Variants in PHKB observed in about 807,000 individuals in gnomAD.
The protein encoded by PHKB is phosphorylase kinase regulatory subunit beta, also known as phosphorylase b kinase regulatory subunit beta.
PHKB carries 122 observed loss-of-function variants against 152.1 expected under a neutral mutation model. That is an observed-to-expected ratio of 0.80 (90% CI 0.69 to 0.93). The LOEUF is 0.93. Among genes scored for constraint, PHKB ranks in the 40% least tolerant of loss-of-function variants. PHKB has a pLI of 0.00. For missense variants in PHKB, 1,304 were observed against 1,328.4 expected (o/e 0.98, Z 0.29); for synonymous variants, 436 against 464.9 (o/e 0.94, Z 0.80).
At chr16:47,686,915 C>T (rs891832028) in intron 26 of PHKB, among the ~76,000 whole-genome samples, 3 of 152,118 alleles carry the variant, frequency 2.0e-5, no homozygotes, top group Non-Finnish European at 4.4e-5. Context: ...TCACCAGATA[C>T]TCAGTTCTTA....
chr16:47,588,133 C>T (rs936900082), intron 9 of PHKB, among the ~76,000 whole-genome samples: 6 of 151,900 alleles, frequency 3.9e-5, no homozygotes, highest in African/African-American at 9.7e-5. Flanking sequence ...TTTCTGTTCT[C>T]TCATTCAATT....
intron 6 of PHKB, among the ~76,000 whole-genome samples, chr16:47,527,157 A>T (rs1970782753): frequency 6.6e-6 from 1 of 152,224 alleles, no homozygotes; most frequent in Non-Finnish European, 1.5e-5. Context: ...AACACTGGGA[A>T]TTACAATTCA....
Position 47,500,914 on chromosome 16 carries a change from A to T in PHKB, c.305+1020A>T, listed in dbSNP as rs141533215. Among the ~76,000 whole-genome samples, 128 of 152,320 alleles carry T rather than the reference A, an allele frequency of 8.4e-4. 1 individual carries two copies. The East Asian group carries it at 0.01, about 12-fold the overall frequency. The stretch of plus-strand genomic sequence containing the variant: ...AAATTGTATCTTCCACATGAACACG[A>T]TTTATCTGTTTGAAATTACTGATGT... On this transcript the variant is annotated intron_variant, in intron 3 of 30. Coordinates refer to ENST00000323584, the MANE Select transcript of PHKB (RefSeq NM_000293.3).
intron 6 of PHKB, among the ~76,000 whole-genome samples, chr16:47,521,360 A>T (rs1003977770): frequency 7.2e-5 from 11 of 152,154 alleles, no homozygotes; most frequent in South Asian, 2.1e-4. Flanking sequence ...TCACCATTAA[A>T]TGTTACCTGT....
In PHKB at chr16:47,610,828, G is replaced by T; in HGVS notation, c.1366G>T (p.Asp456Tyr). The T allele has an allele frequency of 6.3e-7, 1 of 1,587,324 alleles. No homozygotes were observed. Among genetic ancestry groups the T allele is most frequent in the Non-Finnish European group, 8.7e-7 (1 of 1,155,996 alleles). Residue 456 changes from aspartate (D) to tyrosine (Y), a missense_variant and splice_region_variant, in exon 14 of 31, where the codon GAT becomes TAT. Physicochemically the swap from Asp to Tyr is radical, Grantham distance 160. Transcript: ENST00000323584. ...GTCATTCCCCTTCTTTTTTTCAGCT[G>T]ATGAACTTATTAGTCCTAAAGACAT... ...ALYIIAKLLA[D>Y]ELISPKDIDP...
intron 2 of PHKB, among the ~76,000 whole-genome samples, chr16:47,497,810 T>G (rs1396379802): frequency 6.6e-6 from 1 of 152,218 alleles, no homozygotes; most frequent in East Asian, 1.9e-4. Context: ...ATATAAGTAT[T>G]AATTTGCTCA....
intron 7 of PHKB, among the ~76,000 whole-genome samples, chr16:47,579,450 C>T (rs1175015811): frequency 2.0e-5 from 3 of 152,100 alleles, no homozygotes; most frequent in Non-Finnish European, 4.4e-5. Flanking sequence ...AGGTGCTGCT[C>T]TGGGGACCAT....
intron 7 of PHKB, chr16:47,566,435 C>G: frequency 6.2e-7 from 1 of 1,609,526 alleles, no homozygotes; most frequent in South Asian, 1.1e-5. Context: ...CATTGAGACT[C>G]AGGGCACTGA....
chr16:47,627,621 T>C (rs1490114852), intron 14 of PHKB, among the ~76,000 whole-genome samples: 5 of 152,238 alleles, frequency 3.3e-5, no homozygotes, highest in African/African-American at 4.8e-5. Context: ...ATATAATCAC[T>C]AATCCAATAT....
chr16:47,679,761 T>C (rs1973812324), intron 26 of PHKB, among the ~76,000 whole-genome samples: 1 of 152,206 alleles, frequency 6.6e-6, no homozygotes, highest in Non-Finnish European at 1.5e-5. Context: ...TACCCTTTAT[T>C]TCCTTCTCCT....
At chr16:47,556,494 G>A (rs1429901242) in intron 7 of PHKB, among the ~76,000 whole-genome samples, 1 of 152,136 alleles carries the variant, frequency 6.6e-6, no homozygotes, top group Non-Finnish European at 1.5e-5. Context: ...GTTGAATTTT[G>A]TCCAAGGCCT....
chr16:47,658,638 T>C (rs1473915190), intron 20 of PHKB, among the ~76,000 whole-genome samples: 2 of 152,206 alleles, frequency 1.3e-5, no homozygotes, highest in African/African-American at 4.8e-5. Flanking sequence ...CCTACAGTAT[T>C]CAGTACATGT....
chr16:47,496,458 A>C (rs1256932516), intron 1 of PHKB, among the ~76,000 whole-genome samples: 2 of 151,958 alleles, frequency 1.3e-5, no homozygotes, highest in Non-Finnish European at 2.9e-5. Flanking sequence ...TTTTCTTTAA[A>C]AACAGAATCT....
At position 47,670,524 on chromosome 16, in the gene PHKB, C is replaced by T. The variant is rs907839241; in HGVS notation, c.2630+1107C>T. On this transcript the variant is annotated intron_variant, in intron 26 of 30. Coordinates refer to ENST00000323584, the MANE Select transcript of PHKB (RefSeq NM_000293.3). ...TGTTTTTTGAGATGGAGTCTCATTC[C>T]TATCACACAGGCTAGAGTGCAGTGG... Among the ~76,000 whole-genome samples the T allele has an allele frequency of 2.0e-5, 3 of 152,068 alleles. No individual in the cohort carries two copies. The South Asian group carries it at 6.2e-4, about 32-fold the overall frequency.
intron 16 of PHKB, among the ~76,000 whole-genome samples, chr16:47,646,865 G>C (rs1485410480): frequency 6.6e-6 from 1 of 151,778 alleles, no homozygotes; most frequent in Non-Finnish European, 1.5e-5. Context: ...GATGTTTATT[G>C]AATTATTTTT....
At chr16:47,564,958 CTT>C (rs35858890) in intron 7 of PHKB, 1,220 of 208,696 alleles carry the variant, frequency 5.8e-3, no homozygotes, top group South Asian at 0.012. Context: ...GTCTGTGTGT[CTT>C]TTTTTTTTTT....
chr16:47,515,912 A>C (rs893316300), intron 6 of PHKB, among the ~76,000 whole-genome samples: 3 of 152,000 alleles, frequency 2.0e-5, no homozygotes, highest in Non-Finnish European at 4.4e-5. Context: ...TAACATTTGC[A>C]GATTTTCTCA....
intron 1 of PHKB, among the ~76,000 whole-genome samples, chr16:47,472,415 G>A (rs1010949498): frequency 1.3e-5 from 2 of 152,136 alleles, no homozygotes; most frequent in African/African-American, 4.8e-5. Flanking sequence ...ACTTCAAAAG[G>A]CCAAGGCAGG....
intron 14 of PHKB, among the ~76,000 whole-genome samples, chr16:47,615,794 A>G (rs1194182387): frequency 6.6e-6 from 1 of 152,260 alleles, no homozygotes; most frequent in Non-Finnish European, 1.5e-5. Context: ...GTCTTTCTAC[A>G]AGTAAAAAAG....
Sources: gnomAD v4.1 joint callset for allele counts (sites outside exome capture counted in the v4.1 genomes callset) on GRCh38, gnomAD v4.1.1 for gene constraint, MANE v1.5 for transcripts, NCBI Gene and HGNC (gene_info 2026-07-23, HGNC 2026-07-21) for gene names.